Variants in MFSD12 observed in about 807,000 individuals in gnomAD.
The protein encoded by MFSD12 is major facilitator superfamily domain containing 12.
Under a neutral mutation model 51.2 loss-of-function variants are expected in MFSD12, and 67 were observed. The observed-to-expected ratio is 1.31, with a 90% CI of 1.08 to 1.60. The LOEUF (loss-of-function observed/expected upper bound fraction) is 1.60. Among genes scored for constraint, MFSD12 ranks in the 40% most tolerant of loss-of-function variants. The probability of loss-of-function intolerance (pLI) is 0.00; values close to 1 mark genes in which losing one functional copy is unlikely to be tolerated. For missense variants in MFSD12, 921 were observed against 673.0 expected (o/e 1.37, Z -4.08); for synonymous variants, 441 against 316.7 (o/e 1.39, Z -4.17).
chr19:3,544,020 A>G (rs1211922379), downstream of MFSD12: 1 of 1,525,798 alleles, frequency 6.6e-7, no homozygotes, highest in Non-Finnish European at 8.8e-7. Flanking sequence ...AAGGCATGCT[A>G]CCAGGATGCA....
intron 8 of MFSD12, among the ~76,000 whole-genome samples, chr19:3,545,529 G>A (rs998159360): frequency 6.6e-5 from 10 of 152,212 alleles, no homozygotes; most frequent in Admixed American, 2.0e-4. Flanking sequence ...CTGACATCCT[G>A]CAGGTGTCAG....
At chr19:3,542,910 G>A (rs762990003), downstream of MFSD12, 1 of 1,433,306 alleles carries the variant, frequency 7.0e-7, no homozygotes, top group Non-Finnish European at 9.4e-7. Flanking sequence ...GCTGGACAAG[G>A]ACTGTAGGAA....
downstream of MFSD12, chr19:3,543,452 CGTGAGTGCAGCATGCCATCGG>C (rs2030612010): frequency 1.9e-6 from 3 of 1,541,460 alleles, no homozygotes; most frequent in East Asian, 2.5e-5. Context: ...CTACCAACAC[CGTGAGTGCAGCATGCCATCGG>C]GTGAGTGCCC....
chr19:3,546,532 G>A (rs1363099951), intron 6 of MFSD12, 107 bp from the exon 7 acceptor site: 1 of 1,354,938 alleles, frequency 7.4e-7, no homozygotes, highest in African/African-American at 1.5e-5. Flanking sequence ...GCATGAGCTG[G>A]ATGGTCCCTA....
chr19:3,541,727 A>G (rs2030433962), downstream of MFSD12: 1 of 985,262 alleles, frequency 1.0e-6, no homozygotes, highest in Admixed American at 6.2e-5. Context: ...CTGGGAGGAA[A>G]CACCAGAAAG....
At chr19:3,556,706 G>A (rs1372250657) in intron 1 of MFSD12, among the ~76,000 whole-genome samples, 1 of 152,100 alleles carries the variant, frequency 6.6e-6, no homozygotes, top group African/African-American at 2.4e-5. Context: ...GACAGACGGG[G>A]GAGGCTCAGG....
chr19:3,554,076 C>T (rs566691635), intron 1 of MFSD12, among the ~76,000 whole-genome samples: 3 of 150,090 alleles, frequency 2.0e-5, no homozygotes, highest in Non-Finnish European at 4.4e-5. Flanking sequence ...AGCAAGACTC[C>T]GTCTCAAAAA....
chr19:3,549,366 C>T (rs1206255765), intron 2 of MFSD12, among the ~76,000 whole-genome samples: 1 of 152,174 alleles, frequency 6.6e-6, no homozygotes, highest in Non-Finnish European at 1.5e-5. Flanking sequence ...CATTCTATAG[C>T]AGAGGGAAAG....
rs112469474 is a variant in MFSD12, at chr19:3,547,356, G to A, written c.939C>T (p.Ile313=). 2.7e-5 allele frequency: 44 copies of A among 1,613,288 alleles called. No homozygotes were observed. The highest frequency in any genetic ancestry group is 2.3e-4 in the African/African-American group (17 of 75,064). The change falls in exon 6 of 10, where the codon ATC becomes ATT. Residue 313 remains isoleucine, a synonymous_variant. Coordinates refer to ENST00000355415, the MANE Select transcript of MFSD12 (RefSeq NM_174983.5). ...TYSLHLPKKF[I]ATIPLVMYLS... ...GGTACATCACCAGGGGAATGGTCGCGATGAACTTCTGCGGAGGCAGAGCCA... is the reference window on the plus strand; with the variant it reads ...GGTACATCACCAGGGGAATGGTCGCAATGAACTTCTGCGGAGGCAGAGCCA...
chr19:3,541,758 C>G, downstream of MFSD12: 1 of 985,278 alleles, frequency 1.0e-6, no homozygotes, highest in Non-Finnish European at 1.2e-6. Context: ...CAGGTGGGTA[C>G]GGGGCCGACA....
downstream of MFSD12, chr19:3,542,803 C>T (rs1020599961): frequency 2.9e-6 from 4 of 1,371,436 alleles, no homozygotes; most frequent in African/African-American, 4.4e-5. Context: ...CCAGTCTTCC[C>T]TGGGCCATGG....
At chr19:3,543,906 C>T (rs140181125), downstream of MFSD12, 103 of 1,551,006 alleles carry the variant, frequency 6.6e-5, 1 homozygote, top group East Asian at 1.2e-3. Context: ...GGCACCCCAG[C>T]GCCCGCCCGG....
downstream of MFSD12, chr19:3,542,199 C>T: frequency 4.1e-6 from 4 of 985,378 alleles, no homozygotes; most frequent in Non-Finnish European, 4.8e-6. Context: ...CTTGAAATTG[C>T]CTTTCTAGTG....
downstream of MFSD12, chr19:3,543,396 C>A (rs1171838667): frequency 6.5e-7 from 1 of 1,548,922 alleles, no homozygotes; most frequent in African/African-American, 1.4e-5. Flanking sequence ...CTGCCACGGG[C>A]CCCGGCCAGC....
Position 3,557,535 on chromosome 19 carries a change from A to C in MFSD12, c.-132T>G. The C allele has an allele frequency of 2.2e-6, 1 of 451,994 alleles. No individual in the cohort carries two copies. Among genetic ancestry groups the C allele is most frequent in the Non-Finnish European group, 3.2e-6 (1 of 317,110 alleles). The allele number at this position is 451,994 out of a possible 1,614,324, so 28.0% of individuals were successfully genotyped here. Reference sequence around the variant, plus strand: ...CGGGCACCCCGCGTCCCGCTCTCTTACGGCCGCGCCCTCACCCACGTCCGC... The same window carrying C: ...CGGGCACCCCGCGTCCCGCTCTCTTCCGGCCGCGCCCTCACCCACGTCCGC... On this transcript the variant is annotated 5_prime_UTR_variant, in exon 1 of 10. Transcript: ENST00000355415.
At chr19:3,542,952 C>T (rs2030547878), downstream of MFSD12, 1 of 1,510,372 alleles carries the variant, frequency 6.6e-7, no homozygotes, top group Non-Finnish European at 9.0e-7. Flanking sequence ...TGTCCTCTCC[C>T]CTCCCTCTTC....
rs564508057 is a variant in MFSD12, at chr19:3,551,095, G to C, written c.398C>G (p.Pro133Arg). 3.7e-6 allele frequency: 6 copies of C among 1,613,114 alleles called. No individual in the cohort carries two copies. Among genetic ancestry groups the C allele is most frequent in the Non-Finnish European group, 4.2e-6 (5 of 1,179,994 alleles). ...PEWAALLYYG[P>R]FIVIFQFGWA... Reference sequence around the variant, plus strand: ...GCCAAACTGGAAGATCACGATGAACGGGCCGTAGTAGAGGAGGGCAGCCCA... The same window carrying C: ...GCCAAACTGGAAGATCACGATGAACCGGCCGTAGTAGAGGAGGGCAGCCCA... Residue 133 changes from proline to arginine, a missense_variant, in exon 2 of 10, where the codon CCG (proline) becomes CGG (arginine). Physicochemically the swap from Pro to Arg is moderately radical, Grantham distance 103. Coordinates refer to ENST00000355415, the MANE Select transcript of MFSD12 (RefSeq NM_174983.5). The surrounding 1 kb of genome is among the most constrained non-coding windows in gnomAD (Gnocchi z 4.6).
chr19:3,550,925 G>A (rs1815666131), intron 2 of MFSD12, 59 bp downstream of exon 2: 6 of 1,457,716 alleles, frequency 4.1e-6, no homozygotes, highest in Non-Finnish European at 5.7e-6. Context: ...CAGTGCCACT[G>A]ACTGATACAC....
downstream of MFSD12, chr19:3,542,837 T>A (rs200440179): frequency 2.3e-5 from 31 of 1,376,298 alleles, no homozygotes; most frequent in Admixed American, 5.7e-5. Context: ...CCAGACCACT[T>A]CTTCCTGGTG....
Sources: allele counts gnomAD v4.1 joint callset (sites outside exome capture counted in the v4.1 genomes callset), GRCh38; gene constraint gnomAD v4.1.1; non-coding constraint Gnocchi (gnomAD v3.1); transcripts MANE v1.5; gene names NCBI Gene and HGNC (gene_info 2026-07-23, HGNC 2026-07-21).